Variants in NECAB1 observed in about 807,000 individuals in gnomAD.
NECAB1 encodes the protein N-terminal EF-hand calcium-binding protein 1.
NECAB1 carries 29 observed loss-of-function variants against 57.5 expected under a neutral mutation model. The observed-to-expected ratio is 0.50, with a 90% CI of 0.38 to 0.69. NECAB1 has a LOEUF of 0.69. Among genes scored for constraint, NECAB1 ranks in the 30% least tolerant of loss-of-function variants. The pLI is 0.00. For missense variants in NECAB1, 372 were observed against 413.8 expected (o/e 0.90, Z 0.88); for synonymous variants, 142 against 147.7 (o/e 0.96, Z 0.28).
At chr8:90,880,267 G>A (rs1808812687) in intron 4 of NECAB1, among the ~76,000 whole-genome samples, 1 of 152,036 alleles carries the variant, frequency 6.6e-6, no homozygotes, top group Non-Finnish European at 1.5e-5. Context: ...CACAGGAATG[G>A]TGAGGACTAT....
At chr8:90,927,204 C>CTCTCTTTTTT (rs10630870) in intron 7 of NECAB1, among the ~76,000 whole-genome samples, 4 of 131,132 alleles carry the variant, frequency 3.1e-5, no homozygotes, top group South Asian at 4.7e-4. Context: ...TTTTCTCTCT[C>CTCTCTTTTTT]TTTTTTTTTT....
chr8:90,828,350 A>G (rs1425607256), intron 3 of NECAB1, among the ~76,000 whole-genome samples: 4 of 152,076 alleles, frequency 2.6e-5, no homozygotes, highest in Non-Finnish European at 5.9e-5. Flanking sequence ...GTGCATTTCA[A>G]AACCAAACTA....
Position 90,881,121 on chromosome 8 carries a change from A to C in NECAB1, c.348A>C (p.Lys116Asn), listed in dbSNP as rs2129877623. ...TTTCCATCCTGAAGGCAATGGGCAA[A>C]ACAAAGAAAGTAAGAAAATGTTAAT... ...LNLSILKAMG[K>N]TKKDYQEASN... is the part of the protein sequence containing the mutation. The change falls in exon 5 of 13, where the codon AAA becomes AAC. Residue 116 changes from lysine to asparagine, a missense_variant. By Grantham distance (94) the Lys-to-Asn change is moderately conservative. Coordinates refer to ENST00000417640, the MANE Select transcript of NECAB1 (RefSeq NM_022351.5). 1 of 1,592,390 alleles carries C rather than the reference A, an allele frequency of 6.3e-7. No individual in the cohort carries two copies.
At chr8:90,869,116 A>G (rs560373413) in intron 3 of NECAB1, among the ~76,000 whole-genome samples, 7 of 152,358 alleles carry the variant, frequency 4.6e-5, no homozygotes, top group Admixed American at 3.3e-4. Context: ...TGCAACTTCC[A>G]CATGGTGTTG....
intron 2 of NECAB1, among the ~76,000 whole-genome samples, chr8:90,810,060 G>T (rs532309620): frequency 1.3e-5 from 2 of 152,236 alleles, no homozygotes; most frequent in African/African-American, 2.4e-5. Context: ...TCGTCCAAGG[G>T]CATGGAGTGA....
intron 3 of NECAB1, among the ~76,000 whole-genome samples, chr8:90,844,152 T>C (rs1385721697): frequency 6.6e-6 from 1 of 152,020 alleles, no homozygotes; most frequent in Non-Finnish European, 1.5e-5. Flanking sequence ...TGCCTTGGGG[T>C]TGTATACAAA....
intron 6 of NECAB1, among the ~76,000 whole-genome samples, chr8:90,917,982 ATATACATATATGTGTGTGTG>A (rs1404814339): frequency 4.9e-4 from 36 of 72,830 alleles, no homozygotes; most frequent in African/African-American, 3.9e-3. Flanking sequence ...GTGTGTATAT[ATATACATATATGTGTGTGTG>A]TATATATATA....
At chr8:90,867,188 G>C (rs1413802538) in intron 3 of NECAB1, among the ~76,000 whole-genome samples, 1 of 152,156 alleles carries the variant, frequency 6.6e-6, no homozygotes. Flanking sequence ...TCTTATTAAG[G>C]AACAAGTAGA....
intron 3 of NECAB1, among the ~76,000 whole-genome samples, chr8:90,844,007 CAG>C (rs1812507759): frequency 6.6e-6 from 1 of 152,132 alleles, no homozygotes; most frequent in African/African-American, 2.4e-5. Context: ...ACAGGTATAA[CAG>C]ATCATGAAAC....
At chr8:90,902,469 G>A (rs567275826) in intron 5 of NECAB1, among the ~76,000 whole-genome samples, 1 of 152,172 alleles carries the variant, frequency 6.6e-6, no homozygotes, top group African/African-American at 2.4e-5. Context: ...ACGTAGAAAA[G>A]GAGTCAATTG....
intron 2 of NECAB1, among the ~76,000 whole-genome samples, chr8:90,821,950 C>T (rs1409730608): frequency 6.6e-6 from 1 of 151,782 alleles, no homozygotes; most frequent in African/African-American, 2.4e-5. Context: ...ACTCTGCTGC[C>T]TCCATCTCAA....
intron 4 of NECAB1, among the ~76,000 whole-genome samples, chr8:90,877,675 T>G (rs909841590): frequency 2.0e-5 from 3 of 152,212 alleles, no homozygotes; most frequent in Non-Finnish European, 4.4e-5. Flanking sequence ...AAACAAACTT[T>G]GGACAGTGAA....
chr8:90,918,956 G>T (rs997019499), intron 6 of NECAB1, among the ~76,000 whole-genome samples: 4 of 152,126 alleles, frequency 2.6e-5, no homozygotes, highest in African/African-American at 7.2e-5. Context: ...CATGAACCTG[G>T]ATATACTTGG....
chr8:90,950,704 G>A (rs1053129451), intron 11 of NECAB1, among the ~76,000 whole-genome samples: 2 of 152,096 alleles, frequency 1.3e-5, no homozygotes, highest in Non-Finnish European at 2.9e-5. Context: ...AGCCATAGAA[G>A]GAAACGAGGT....
At chr8:90,868,859 T>C (rs6986276) in intron 3 of NECAB1, among the ~76,000 whole-genome samples, 74,370 of 152,134 alleles carry the variant, frequency 0.49, 22,903 homozygotes, top group African/African-American at 0.85. Context: ...TGTTAATAGG[T>C]AACACAATGG....
intron 2 of NECAB1, among the ~76,000 whole-genome samples, chr8:90,807,832 A>T (rs1172710813): frequency 6.6e-6 from 1 of 152,238 alleles, no homozygotes; most frequent in Non-Finnish European, 1.5e-5. Context: ...TACCAGCTCG[A>T]AAGTCAAAGC....
At chr8:90,821,592 A>C (rs1321514941) in intron 2 of NECAB1, among the ~76,000 whole-genome samples, 1 of 151,498 alleles carries the variant, frequency 6.6e-6, no homozygotes, top group African/African-American at 2.4e-5. Context: ...TTCCTTCACT[A>C]ACCCCTATTT....
intron 7 of NECAB1, 41 bp from the exon 8 acceptor site, chr8:90,928,182 A>G (rs1235291845): frequency 6.9e-6 from 10 of 1,446,784 alleles, no homozygotes; most frequent in Non-Finnish European, 9.6e-6. Flanking sequence ...TTCTCTGTCT[A>G]AAGTTTAACA....
intron 1 of NECAB1, among the ~76,000 whole-genome samples, chr8:90,798,409 A>G (rs1811700220): frequency 6.6e-6 from 1 of 152,206 alleles, no homozygotes; most frequent in Non-Finnish European, 1.5e-5. Context: ...GGTAGTGAGC[A>G]TAATACTCAA....
Sources: allele counts gnomAD v4.1 joint callset (sites outside exome capture counted in the v4.1 genomes callset), GRCh38; gene constraint gnomAD v4.1.1; transcripts MANE v1.5; gene names NCBI Gene and HGNC (gene_info 2026-07-23, HGNC 2026-07-21).